The following VKORC1L1 variants were observed in gnomAD, a reference collection of about 807,000 sequenced individuals.
VKORC1L1 encodes the protein vitamin K epoxide reductase complex subunit 1-like protein 1.
A neutral mutation model predicts 18.9 loss-of-function variants in VKORC1L1; 2 were observed. The observed-to-expected ratio is 0.11, with a 90% CI of 0.04 to 0.33. The LOEUF is 0.33. VKORC1L1 is among the 10% of genes least tolerant of loss of function. The probability of loss-of-function intolerance (pLI) is 1.00; values close to 1 mark genes in which losing one functional copy is unlikely to be tolerated. For synonymous variants in VKORC1L1, 96 were observed against 100.0 expected, an observed-to-expected ratio of 0.96 and a Z score of 0.24; for missense variants, 123 against 224.1, an observed-to-expected ratio of 0.55 and a Z score of 2.88.
At chr7:65,881,302 T>G (rs1365229354) in intron 1 of VKORC1L1, among the ~76,000 whole-genome samples, 1 of 152,246 alleles carries the variant, frequency 6.6e-6, no homozygotes, top group East Asian at 1.9e-4. Flanking sequence ...CAAATGAATC[T>G]CATGCTAAAT....
At chr7:65,932,172 A>G (rs1251297615) in intron 1 of VKORC1L1, among the ~76,000 whole-genome samples, 1 of 152,024 alleles carries the variant, frequency 6.6e-6, no homozygotes, top group African/African-American at 2.4e-5. Flanking sequence ...AACTCAGCTC[A>G]TGGCAACCTC....
chr7:65,916,177 C>T (rs531367259), intron 1 of VKORC1L1, among the ~76,000 whole-genome samples: 3 of 149,094 alleles, frequency 2.0e-5, no homozygotes. Context: ...CCCAGTGATA[C>T]AGTTTGTATA....
intron 1 of VKORC1L1, among the ~76,000 whole-genome samples, chr7:65,936,001 C>G (rs959682597): frequency 3.3e-5 from 5 of 151,634 alleles, no homozygotes; most frequent in Non-Finnish European, 7.4e-5. Flanking sequence ...TTTTTCCTCT[C>G]TGTTGTTCAA....
chr7:65,959,377 A>ATGTT lies in VKORC1L1; in HGVS notation c.*5081_*5084dup, dbSNP rs1275097894. ...TGTCTATTACATTTAACTTTTCTTA[A>ATGTT]TGTTTGTCAACTAAAAGTTTTATTC... On this transcript the variant is annotated 3_prime_UTR_variant, in exon 3 of 3. Transcript: ENST00000360768. The ATGTT allele has an allele frequency of 1.3e-5, 2 of 152,192 alleles. No homozygotes were observed. Among genetic ancestry groups the ATGTT allele is most frequent in the Non-Finnish European group, 1.5e-5 (1 of 68,046 alleles). 9.4% of individuals were successfully genotyped at this position (152,192 alleles called of 1,614,324 possible). A position where few individuals can be genotyped will look rare whatever the true frequency, so the allele number is the denominator to read the frequency against.
chr7:65,935,430 C>A (rs552203808), intron 1 of VKORC1L1, among the ~76,000 whole-genome samples: 106 of 152,220 alleles, frequency 7.0e-4, no homozygotes, highest in Admixed American at 1.0e-3. Flanking sequence ...CTGCCTCAGC[C>A]TCCCGAGTAG....
chr7:65,877,156 G>A (rs1788843198), intron 1 of VKORC1L1, among the ~76,000 whole-genome samples: 1 of 152,202 alleles, frequency 6.6e-6, no homozygotes, highest in African/African-American at 2.4e-5. Flanking sequence ...TGTTACCATT[G>A]ATTGGAGATG....
intron 1 of VKORC1L1, among the ~76,000 whole-genome samples, chr7:65,921,246 T>A (rs770340679): frequency 1.3e-5 from 2 of 152,226 alleles, no homozygotes; most frequent in Non-Finnish European, 1.5e-5. Context: ...TAATTATGAA[T>A]ATATTTGGAT....
chr7:65,875,534 C>G (rs1267667296), intron 1 of VKORC1L1, among the ~76,000 whole-genome samples: 1 of 152,076 alleles, frequency 6.6e-6, no homozygotes, highest in African/African-American at 2.4e-5. Context: ...TCTCCTGCCT[C>G]AGCCTCCTGA....
At chr7:65,925,503 A>G (rs1448897019) in intron 1 of VKORC1L1, among the ~76,000 whole-genome samples, 1 of 152,142 alleles carries the variant, frequency 6.6e-6, no homozygotes, top group Non-Finnish European at 1.5e-5. Context: ...GTCCATAGGT[A>G]CTTGGTGTAT....
chr7:65,947,852 G>A (rs775138971), intron 1 of VKORC1L1, among the ~76,000 whole-genome samples: 1 of 152,018 alleles, frequency 6.6e-6, no homozygotes, highest in African/African-American at 2.4e-5. Context: ...CACCATGTCC[G>A]GCTAATTTTT....
At chr7:65,917,932 T>C (rs1033629859) in intron 1 of VKORC1L1, among the ~76,000 whole-genome samples, 9 of 152,186 alleles carry the variant, frequency 5.9e-5, no homozygotes, top group Middle Eastern at 6.3e-3. Flanking sequence ...GACAATGGTC[T>C]GGAAATAGTC....
intron 1 of VKORC1L1, among the ~76,000 whole-genome samples, chr7:65,914,917 ACT>A (rs936336355): frequency 1.3e-5 from 2 of 151,718 alleles, no homozygotes; most frequent in Admixed American, 6.6e-5. Context: ...GAGGTGAGAA[ACT>A]CACTTGAGCC....
At chr7:65,917,148 T>C (rs953587669) in intron 1 of VKORC1L1, among the ~76,000 whole-genome samples, 6 of 152,102 alleles carry the variant, frequency 3.9e-5, no homozygotes, top group Admixed American at 3.9e-4. Context: ...CAAAAAAGTG[T>C]CCTGGTTACT....
intron 1 of VKORC1L1, among the ~76,000 whole-genome samples, chr7:65,888,520 A>G (rs1289408222): frequency 2.0e-5 from 3 of 152,156 alleles, no homozygotes; most frequent in Admixed American, 1.3e-4. Context: ...GAGGTCATGT[A>G]ACCAGAGTGA....
At chr7:65,950,558 C>G (rs1790195957) in intron 2 of VKORC1L1, among the ~76,000 whole-genome samples, 1 of 151,892 alleles carries the variant, frequency 6.6e-6, no homozygotes, top group Non-Finnish European at 1.5e-5. Context: ...AGTTCCATAT[C>G]TATGTATTTA....
intron 1 of VKORC1L1, among the ~76,000 whole-genome samples, chr7:65,931,564 G>A (rs1193637239): frequency 6.6e-6 from 1 of 152,024 alleles, no homozygotes; most frequent in African/African-American, 2.4e-5. Flanking sequence ...TTTCATTTCT[G>A]ATATTAATAC....
chr7:65,895,894 CTT>C (rs899804086), intron 1 of VKORC1L1, among the ~76,000 whole-genome samples: 8 of 113,272 alleles, frequency 7.1e-5, no homozygotes, highest in Admixed American at 9.1e-5. Flanking sequence ...TATCTCACTT[CTT>C]TTTTTTTTTT....
intron 1 of VKORC1L1, among the ~76,000 whole-genome samples, chr7:65,940,086 GT>G (rs1295392191): frequency 6.6e-6 from 1 of 151,852 alleles, no homozygotes; most frequent in African/African-American, 2.4e-5. Flanking sequence ...ATGGAGCGAT[GT>G]GATCCTTGTT....
intron 1 of VKORC1L1, among the ~76,000 whole-genome samples, chr7:65,923,070 G>C (rs1330109030): frequency 6.6e-6 from 1 of 152,138 alleles, no homozygotes; most frequent in Admixed American, 6.5e-5. Flanking sequence ...CTGAGTTGGA[G>C]TTATTAAGGA....
Sources: gnomAD v4.1 joint callset for allele counts (sites outside exome capture counted in the v4.1 genomes callset) on GRCh38, gnomAD v4.1.1 for gene constraint, MANE v1.5 for transcripts, NCBI Gene and HGNC (gene_info 2026-07-23, HGNC 2026-07-21) for gene names.